The following PPFIA2 variants were observed in gnomAD, a reference collection of about 807,000 sequenced individuals.
The protein encoded by PPFIA2 is PPFI scaffold protein A2.
A neutral mutation model predicts 175.5 loss-of-function variants in PPFIA2; 46 were observed. The ratio of observed to expected loss-of-function variants is 0.26; its 90% CI spans 0.21 to 0.34. The LOEUF is 0.34. PPFIA2 is among the 10% of genes least tolerant of loss of function. The pLI, the probability that PPFIA2 is intolerant of heterozygous loss-of-function variation, is 1.00. For missense variants in PPFIA2, 1,179 were observed against 1,506.1 expected (o/e 0.78, Z 3.60); for synonymous variants, 568 against 511.4 (o/e 1.11, Z -1.49).
intron 4 of PPFIA2, among the ~76,000 whole-genome samples, chr12:81,572,679 C>A (rs1285899598): frequency 2.0e-5 from 3 of 151,984 alleles, no homozygotes; most frequent in Non-Finnish European, 4.4e-5. Flanking sequence ...ATGAGCACTA[C>A]AAATTAGTGG....
chr12:81,270,322 TA>T (rs1481028997), intron 28 of PPFIA2, among the ~76,000 whole-genome samples: 1 of 152,126 alleles, frequency 6.6e-6, no homozygotes, highest in Non-Finnish European at 1.5e-5. Flanking sequence ...TTTTAGTCAT[TA>T]TGGTAGGTGT....
Position 81,333,005 on chromosome 12 carries a change from G to A in PPFIA2, c.2548+6175C>T, listed in dbSNP as rs769397382. 3.9e-5 allele frequency among the ~76,000 whole-genome samples: 6 copies of A among 152,280 alleles called. No individual in the cohort carries two copies. In the South Asian group the frequency reaches 8.3e-4, roughly 21 times the overall value. On this transcript the variant is annotated intron_variant, in intron 21 of 32. Transcript: ENST00000549396. ...TATAAAGAAGAGTTGCCAGAGAAAA[G>A]ACTTAAATGTTAGAGATTCATAGAT...
In PPFIA2 at chr12:81,758,488, A is replaced by C. The variant is rs1261958952; in HGVS notation, c.-91T>G. ...TTGAGGAGAAGGGAGGCTCACACCC[A>C]GCACTCCTGGACCATTTCCCTAGCA... On this transcript the variant is annotated 5_prime_UTR_variant, in exon 2 of 33. Coordinates refer to ENST00000549396, the MANE Select transcript of PPFIA2 (RefSeq NM_003625.5). The C allele has an allele frequency of 2.2e-6, 1 of 456,286 alleles. No individual in the cohort carries two copies. Among genetic ancestry groups the C allele is most frequent in the Non-Finnish European group, 4.4e-6 (1 of 226,702 alleles). 28.3% of individuals were successfully genotyped at this position (456,286 alleles called of 1,614,324 possible).
chr12:81,753,738 A>G (rs1312801279), intron 3 of PPFIA2, among the ~76,000 whole-genome samples: 1 of 152,210 alleles, frequency 6.6e-6, no homozygotes, highest in Non-Finnish European at 1.5e-5. Context: ...AATTTTTAAC[A>G]AAGACTGGAT....
intron 4 of PPFIA2, among the ~76,000 whole-genome samples, chr12:81,523,702 C>T (rs1379589103): frequency 6.6e-6 from 1 of 152,132 alleles, no homozygotes; most frequent in Non-Finnish European, 1.5e-5. Flanking sequence ...CTTACCTCTA[C>T]AATGTGAGGA....
chr12:81,389,499 T>C (rs2039700168), intron 8 of PPFIA2, among the ~76,000 whole-genome samples: 1 of 152,030 alleles, frequency 6.6e-6, no homozygotes, highest in Non-Finnish European at 1.5e-5. Context: ...CATGAGGAGA[T>C]TTTAAAACTC....
chr12:81,269,878 G>A (rs1433792132), intron 28 of PPFIA2, among the ~76,000 whole-genome samples: 1 of 151,942 alleles, frequency 6.6e-6, no homozygotes, highest in African/African-American at 2.4e-5. Context: ...CATGTGAGTA[G>A]ATTCCACTTT....
At position 81,290,747 on chromosome 12, in the gene PPFIA2, A is replaced by AT. The variant is rs1365209362; in HGVS notation, c.2925+4087dup. 2.6e-5 allele frequency among the ~76,000 whole-genome samples: 4 copies of AT among 151,838 alleles called. No homozygotes were observed. The East Asian group carries it at 7.7e-4, about 29-fold the overall frequency. ...GGAGAAAAAATAGCAACACAACACA[A>AT]TTTAACAATTAAAGTTTAAAAGTAT... On this transcript the variant is annotated intron_variant, in intron 24 of 32. Coordinates refer to ENST00000549396, the MANE Select transcript of PPFIA2 (RefSeq NM_003625.5).
intron 4 of PPFIA2, chr12:81,546,560 G>A (rs936919262): frequency 1.3e-5 from 2 of 152,054 alleles, no homozygotes; most frequent in African/African-American, 2.4e-5. Context: ...ATTTCGGAAA[G>A]TCCCACTACC....
At chr12:81,611,834 G>A (rs2060949161) in intron 4 of PPFIA2, among the ~76,000 whole-genome samples, 1 of 152,090 alleles carries the variant, frequency 6.6e-6, no homozygotes, top group African/African-American at 2.4e-5. Context: ...ATTCCCTGGA[G>A]AGATCTCCTG....
chr12:81,397,042 G>T (rs962540166), intron 8 of PPFIA2, among the ~76,000 whole-genome samples: 1 of 152,010 alleles, frequency 6.6e-6, no homozygotes, highest in Admixed American at 6.6e-5. Context: ...TTTAAGGGGG[G>T]ATATCAAATA....
At chr12:81,563,978 A>C (rs578219661) in intron 4 of PPFIA2, among the ~76,000 whole-genome samples, 5 of 152,196 alleles carry the variant, frequency 3.3e-5, no homozygotes, top group Non-Finnish European at 7.3e-5. Flanking sequence ...AATACATATC[A>C]TTGTGTCCAA....
intron 4 of PPFIA2, among the ~76,000 whole-genome samples, chr12:81,646,163 A>G (rs537283255): frequency 4.0e-4 from 61 of 152,204 alleles, no homozygotes; most frequent in Non-Finnish European, 7.2e-4. Flanking sequence ...AGGAAAAGCC[A>G]TCTGCTACTG....
At position 81,384,011 on chromosome 12, in the gene PPFIA2, T is replaced by A. The variant is rs778949139; in HGVS notation, c.984+12A>T. 38 of 1,586,238 alleles carry A rather than the reference T, an allele frequency of 2.4e-5. No individual in the cohort carries two copies. The highest frequency in any genetic ancestry group is 3.0e-5 in the Non-Finnish European group (35 of 1,156,220). On this transcript the variant is annotated intron_variant, in intron 9 of 32. Transcript: ENST00000549396. ...CAGAAATCAAAGACTGAAAGTGGCATGAATCACTTACCTCCCTAATGTCCC... is the reference window on the plus strand; with the variant it reads ...CAGAAATCAAAGACTGAAAGTGGCAAGAATCACTTACCTCCCTAATGTCCC...
At chr12:81,584,827 T>C (rs1378190959) in intron 4 of PPFIA2, among the ~76,000 whole-genome samples, 2 of 128,664 alleles carry the variant, frequency 1.6e-5, no homozygotes, top group East Asian at 4.2e-4. Flanking sequence ...AATAAATTTA[T>C]TATATTTACA....
chr12:81,428,380 C>A (rs1473302470), intron 7 of PPFIA2, among the ~76,000 whole-genome samples: 1 of 151,948 alleles, frequency 6.6e-6, no homozygotes, highest in African/African-American at 2.4e-5. Context: ...AGACTTGGAA[C>A]TAGTAAAATT....
intron 4 of PPFIA2, among the ~76,000 whole-genome samples, chr12:81,573,268 T>G (rs1595116745): frequency 6.6e-6 from 1 of 152,014 alleles, no homozygotes; most frequent in East Asian, 1.9e-4. Flanking sequence ...GTAGCATATC[T>G]TATTCTGTAT....
chr12:81,432,981 C>T (rs55633151), intron 7 of PPFIA2, among the ~76,000 whole-genome samples: 24,117 of 151,224 alleles, frequency 0.16, 2,675 homozygotes, highest in East Asian at 0.42. Flanking sequence ...ACAAAAAAAA[C>T]CACACAAAAA....
At chr12:81,593,648 T>C (rs2058929482) in intron 4 of PPFIA2, among the ~76,000 whole-genome samples, 1 of 152,160 alleles carries the variant, frequency 6.6e-6, no homozygotes, top group Non-Finnish European at 1.5e-5. Context: ...CAAAAGGCAT[T>C]TAATACAGTG....
Sources: allele counts gnomAD v4.1 joint callset (sites outside exome capture counted in the v4.1 genomes callset), GRCh38; gene constraint gnomAD v4.1.1; transcripts MANE v1.5; gene names NCBI Gene and HGNC (gene_info 2026-07-23, HGNC 2026-07-21).